The following AMOTL1 variants were observed in gnomAD, a reference collection of about 807,000 sequenced individuals.
AMOTL1 encodes the protein angiomotin-like protein 1.
AMOTL1 carries 45 observed loss-of-function variants against 102.9 expected under a neutral mutation model. The observed-to-expected ratio is 0.44, with a 90% CI of 0.34 to 0.56. The LOEUF (loss-of-function observed/expected upper bound fraction) is 0.56, where lower values mean the gene tolerates loss of function less well. Among genes scored for constraint, AMOTL1 ranks in the 20% least tolerant of loss-of-function variants. The pLI, the probability that AMOTL1 is intolerant of heterozygous loss-of-function variation, is 0.01. For synonymous variants in AMOTL1, 481 were observed against 484.7 expected, an observed-to-expected ratio of 0.99 and a Z score of 0.10; for missense variants, 1,114 against 1,225.6, an observed-to-expected ratio of 0.91 and a Z score of 1.36.
intron 3 of AMOTL1, among the ~76,000 whole-genome samples, chr11:94,761,369 A>G (rs1443722535): frequency 1.3e-5 from 2 of 149,866 alleles, no homozygotes; most frequent in Non-Finnish European, 3.0e-5. Flanking sequence ...TTGTATTTTT[A>G]GTAGAGACAG....
At chr11:94,767,063 C>A (rs984933580), upstream of AMOTL1, among the ~76,000 whole-genome samples, 5 of 152,112 alleles carry the variant, frequency 3.3e-5, no homozygotes, top group African/African-American at 1.2e-4. Context: ...TCTGTGTAGT[C>A]AGTGCCTCTC....
chr11:94,758,379 G>T (rs1340858962), intron 3 of AMOTL1, among the ~76,000 whole-genome samples: 1 of 152,176 alleles, frequency 6.6e-6, no homozygotes, highest in Non-Finnish European at 1.5e-5. Flanking sequence ...GATTGAATGC[G>T]TAATAAATGC....
chr11:94,813,996 C>T (rs1033670141), intron 3 of AMOTL1, among the ~76,000 whole-genome samples: 1 of 152,198 alleles, frequency 6.6e-6, no homozygotes, highest in Non-Finnish European at 1.5e-5. Context: ...CAGCTGTCTC[C>T]TACAGGCTGA....
In AMOTL1 at chr11:94,850,107, C is replaced by T. The variant is rs1048290832; in HGVS notation, c.1649-7C>T. Reference sequence around the variant, plus strand: ...TAGAGGTAGTTTTGTTCGTGTTTCCCTTCTAGACAAAGAATTCTTGAAGGA... The same window carrying T: ...TAGAGGTAGTTTTGTTCGTGTTTCCTTTCTAGACAAAGAATTCTTGAAGGA... On this transcript the variant is annotated splice_region_variant and splice_polypyrimidine_tract_variant and intron_variant, in intron 6 of 12. Transcript: ENST00000433060. The T allele has an allele frequency of 3.0e-5, 48 of 1,576,334 alleles. No homozygotes were observed. Among genetic ancestry groups the T allele is most frequent in the Non-Finnish European group, 3.7e-5 (43 of 1,160,262 alleles).
chr11:94,861,154 A>G (rs754091952), intron 9 of AMOTL1, among the ~76,000 whole-genome samples: 4 of 152,152 alleles, frequency 2.6e-5, no homozygotes, highest in Non-Finnish European at 5.9e-5. Context: ...CGCAGTATCC[A>G]TGAGAGTGAG....
intron 1 of AMOTL1, among the ~76,000 whole-genome samples, chr11:94,723,198 A>G (rs1424788588): frequency 1.3e-5 from 2 of 152,154 alleles, no homozygotes; most frequent in East Asian, 3.9e-4. Flanking sequence ...GGAAGGGTGA[A>G]CAAGATGTGA....
At chr11:94,708,082 T>C (rs553774663) in intron 1 of AMOTL1, among the ~76,000 whole-genome samples, 3 of 152,302 alleles carry the variant, frequency 2.0e-5, no homozygotes, top group East Asian at 3.9e-4. Context: ...TACATCTCTC[T>C]ACCCCACCAC....
At chr11:94,789,846 TA>T (rs1230699309) in intron 1 of AMOTL1, among the ~76,000 whole-genome samples, 3 of 152,206 alleles carry the variant, frequency 2.0e-5, no homozygotes, top group Non-Finnish European at 4.4e-5. Flanking sequence ...ATCTCTGTTA[TA>T]AAGTTATAGG....
At chr11:94,714,079 G>A (rs570691963) in intron 1 of AMOTL1, among the ~76,000 whole-genome samples, 17 of 152,100 alleles carry the variant, frequency 1.1e-4, no homozygotes, top group African/African-American at 3.1e-4. Flanking sequence ...CTACTTTGCT[G>A]AGGGTTTTTA....
Position 94,768,399 on chromosome 11 carries a change from G to A in AMOTL1, c.-113G>A. On this transcript the variant is annotated 5_prime_UTR_variant, in exon 1 of 13. Coordinates refer to ENST00000433060, the MANE Select transcript of AMOTL1 (RefSeq NM_130847.3). The stretch of plus-strand genomic sequence containing the variant: ...GGACCCAGCAGCGGTTGTCGGGTTT[G>A]GGGCTGGAGGTGAAGCCCTGTGTGA... 1 of 1,516,496 alleles carries A rather than the reference G, an allele frequency of 6.6e-7. No homozygotes were observed. Among genetic ancestry groups the A allele is most frequent in the Non-Finnish European group, 8.8e-7 (1 of 1,132,560 alleles). The allele number at this position is 1,516,496 out of a possible 1,614,324, so 93.9% of individuals were successfully genotyped here. A position where few individuals can be genotyped will look rare whatever the true frequency, so the allele number is the denominator to read the frequency against.
At chr11:94,821,049 A>G (rs554431489) in intron 3 of AMOTL1, among the ~76,000 whole-genome samples, 1 of 152,238 alleles carries the variant, frequency 6.6e-6, no homozygotes, top group Admixed American at 6.5e-5. Flanking sequence ...CACCTCCTAC[A>G]TGGAATACTC....
At chr11:94,736,847 G>A (rs1356047802) in intron 2 of AMOTL1, among the ~76,000 whole-genome samples, 12 of 152,138 alleles carry the variant, frequency 7.9e-5, no homozygotes, top group Non-Finnish European at 1.6e-4. Flanking sequence ...GGTCTGTCAT[G>A]GAATCCCTTA....
At chr11:94,834,004 G>A (rs971319518) in intron 6 of AMOTL1, among the ~76,000 whole-genome samples, 9 of 152,188 alleles carry the variant, frequency 5.9e-5, no homozygotes, top group Non-Finnish European at 1.0e-4. Flanking sequence ...CAGTGAGCAG[G>A]TATAACAATA....
intron 6 of AMOTL1, among the ~76,000 whole-genome samples, chr11:94,848,240 CTGT>C (rs1334998551): frequency 3.3e-5 from 5 of 152,188 alleles, no homozygotes; most frequent in African/African-American, 1.2e-4. Context: ...TCTCACATGC[CTGT>C]TGTTGCTGAG....
chr11:94,789,622 C>T (rs1335988421), intron 1 of AMOTL1, among the ~76,000 whole-genome samples: 1 of 152,176 alleles, frequency 6.6e-6, no homozygotes, highest in Non-Finnish European at 1.5e-5. Context: ...AGGTACTGGT[C>T]ATAGGTTCTC....
Position 94,826,691 on chromosome 11 carries a change from C to A in AMOTL1, c.1414-3359C>A, listed in dbSNP as rs540275070. ...AAGGCACCAAGCCATTCACAAGGGA[C>A]CCGCCCCCATGACCCAAACACTTCC... On this transcript the variant is annotated intron_variant, in intron 4 of 12. Transcript: ENST00000433060. 4.6e-5 allele frequency among the ~76,000 whole-genome samples: 7 copies of A among 152,330 alleles called. No individual in the cohort carries two copies. In the East Asian group the frequency reaches 1.3e-3, roughly 29 times the overall value.
intron 1 of AMOTL1, among the ~76,000 whole-genome samples, chr11:94,726,364 C>T (rs1950258049): frequency 6.6e-6 from 1 of 152,192 alleles, no homozygotes; most frequent in Admixed American, 6.5e-5. Flanking sequence ...TTTATTCATC[C>T]ATTCAATCAA....
At position 94,842,962 on chromosome 11, in the gene AMOTL1, G is replaced by A. The variant is rs370653832; in HGVS notation, c.1649-7152G>A. ...TCTCTGCCATTTAAAACCAGCCCTCGCTGGAGTGTTCCTGTTTGTGAATAG... is the reference window on the plus strand; with the variant it reads ...TCTCTGCCATTTAAAACCAGCCCTCACTGGAGTGTTCCTGTTTGTGAATAG... On this transcript the variant is annotated intron_variant, in intron 6 of 12. Coordinates refer to ENST00000433060, the MANE Select transcript of AMOTL1 (RefSeq NM_130847.3). Among the ~76,000 whole-genome samples, 22 of 152,130 alleles carry A rather than the reference G, an allele frequency of 1.4e-4. No homozygotes were observed. The East Asian group carries it at 1.7e-3, about 12-fold the overall frequency.
chr11:94,861,572 T>A (rs1215632527), intron 9 of AMOTL1, among the ~76,000 whole-genome samples: 1 of 152,144 alleles, frequency 6.6e-6, no homozygotes. Context: ...GGCTTCTCCC[T>A]CCCTTCCTGA....
Sources: allele counts gnomAD v4.1 joint callset (sites outside exome capture counted in the v4.1 genomes callset), GRCh38; gene constraint gnomAD v4.1.1; transcripts MANE v1.5; gene names NCBI Gene and HGNC (gene_info 2026-07-23, HGNC 2026-07-21).